Variants in ZAN observed in about 807,000 individuals in gnomAD.
ZAN encodes the protein zonadhesin.
In ZAN, 260 loss-of-function variants were observed where a neutral mutation model predicts 286.2. That is an observed-to-expected ratio of 0.91 (90% confidence interval 0.82 to 1.01). The LOEUF is 1.01. Among genes scored for constraint, ZAN ranks in the 50% least tolerant of loss-of-function variants. ZAN has a pLI of 0.00. For missense variants in ZAN, 3,410 were observed against 3,639.2 expected (o/e 0.94, Z 1.62); for synonymous variants, 1,368 against 1,417.5 (o/e 0.97, Z 0.79).
chr7:100,781,347 T>C (rs1255865285), intron 35 of ZAN, among the ~76,000 whole-genome samples: 1 of 152,158 alleles, frequency 6.6e-6, no homozygotes, highest in African/African-American at 2.4e-5. Context: ...ATTACAGACG[T>C]GAGACATCTC....
At chr7:100,782,459 G>A (rs314306) in intron 35 of ZAN, among the ~76,000 whole-genome samples, 58,322 of 151,786 alleles carry the variant, frequency 0.38, 13,388 homozygotes, top group Middle Eastern at 0.66. Context: ...CTTCCGAGTA[G>A]CTGGGATTAC....
chr7:100,791,136 G>A (rs1283724995), intron 40 of ZAN, 23 bp downstream of exon 40: 1 of 1,600,706 alleles, frequency 6.2e-7, no homozygotes, highest in Non-Finnish European at 8.5e-7. Context: ...GAAGGGATGA[G>A]GCGGGGGAGG....
At chr7:100,756,661 C>T (rs1031257121) in intron 15 of ZAN, among the ~76,000 whole-genome samples, 2 of 151,874 alleles carry the variant, frequency 1.3e-5, no homozygotes, top group African/African-American at 4.8e-5. Context: ...CACCAAGAAG[C>T]TCTTCCCTCT....
chr7:100,782,888 C>T (rs1168013145), intron 35 of ZAN, among the ~76,000 whole-genome samples: 1 of 152,178 alleles, frequency 6.6e-6, no homozygotes, highest in Non-Finnish European at 1.5e-5. Context: ...ATATTTGGAT[C>T]CATATCTGAG....
At chr7:100,797,296 G>C (rs1223444322) in intron 45 of ZAN, 70 bp from the exon 46 acceptor site, 1 of 1,461,520 alleles carries the variant, frequency 6.8e-7, no homozygotes, top group Non-Finnish European at 9.5e-7. Context: ...ATCCCCAAAA[G>C]GGAGTACCCC....
In ZAN at chr7:100,794,256, C is replaced by T. The variant is rs751098463; in HGVS notation, c.8123C>T (p.Pro2708Leu). ...TLGNHTQGCF[P>L]ESPCLQNPCQ... The stretch of plus-strand genomic sequence containing the variant: ...GGGAACCACACCCAAGGCTGCTTTC[C>T]AGGTGAACCTGCACTCCTGCCCGGT... Residue 2708 changes from proline (P) to leucine (L), a missense_variant and splice_region_variant, in exon 44 of 48, where the codon CCA (proline) becomes CTA (leucine). Coordinates refer to ENST00000613979, the MANE Select transcript of ZAN (RefSeq NM_003386.3). 1 of 1,599,264 alleles carries T rather than the reference C, an allele frequency of 6.3e-7. No homozygotes were observed. The highest frequency in any genetic ancestry group is 1.7e-5 in the Admixed American group (1 of 58,958).
chr7:100,764,917 A>C (rs1809848325), intron 22 of ZAN, among the ~76,000 whole-genome samples: 1 of 151,524 alleles, frequency 6.6e-6, no homozygotes, highest in Admixed American at 6.6e-5. Context: ...CCAAGTCATC[A>C]CACGCAGGCA....
rs749562086 is a variant in ZAN at position 100,735,683 on chromosome 7, CG to C, written c.54-36del. The C allele has an allele frequency of 8.5e-6, 12 of 1,418,214 alleles. 3 individuals carry two copies. In the African/African-American group the frequency reaches 1.6e-4, roughly 19 times the overall value. 87.9% of individuals were successfully genotyped at this position (1,418,214 alleles called of 1,614,324 possible). ...AATCTTATAATTCTTGATAATGACACGAGTTGCATTTTTGCTTTCTTCAAAC... is the reference window on the plus strand; with the variant it reads ...AATCTTATAATTCTTGATAATGACACAGTTGCATTTTTGCTTTCTTCAAAC... On this transcript the variant is annotated intron_variant, in intron 2 of 47. Coordinates refer to ENST00000613979, the MANE Select transcript of ZAN (RefSeq NM_003386.3).
chr7:100,777,841 C>T lies in ZAN; in HGVS notation c.6317+1277C>T, dbSNP rs1810923554. 2.0e-5 allele frequency among the ~76,000 whole-genome samples: 3 copies of T among 152,218 alleles called. No individual in the cohort carries two copies. The South Asian group carries it at 6.2e-4, about 32-fold the overall frequency. On this transcript the variant is annotated intron_variant, in intron 34 of 47. Coordinates refer to ENST00000613979, the MANE Select transcript of ZAN (RefSeq NM_003386.3). ...TCCTGGGCTCAAATGATCCTCCCGC[C>T]TCGGCCCCCCAAAGTGCTGGGATTA... is the stretch of plus-strand genomic sequence containing the variant.
chr7:100,790,690 T>G (rs1811880632), intron 39 of ZAN, among the ~76,000 whole-genome samples: 1 of 151,642 alleles, frequency 6.6e-6, no homozygotes, highest in Non-Finnish European at 1.5e-5. Flanking sequence ...CTAGACCAGT[T>G]TGGCCAACAT....
At chr7:100,778,791 G>A (rs1223592200) in intron 34 of ZAN, among the ~76,000 whole-genome samples, 1 of 152,186 alleles carries the variant, frequency 6.6e-6, no homozygotes, top group Non-Finnish European at 1.5e-5. Context: ...TCAGCACTTC[G>A]CGAGGCCGAG....
At chr7:100,757,552 C>T (rs1447412039) in intron 15 of ZAN, among the ~76,000 whole-genome samples, 2 of 151,130 alleles carry the variant, frequency 1.3e-5, no homozygotes, top group Admixed American at 6.6e-5. Context: ...GTCAGGAGTT[C>T]GAGACCAGCC....
chr7:100,774,919 T>TG (rs1810646176), intron 31 of ZAN, among the ~76,000 whole-genome samples: 3 of 32,434 alleles, frequency 9.2e-5, no homozygotes, highest in Non-Finnish European at 2.0e-4. Context: ...GCCCTGGGGT[T>TG]TTTTGTTTGT....
intron 23 of ZAN, 97 bp downstream of exon 23, chr7:100,765,651 T>G: frequency 7.2e-7 from 1 of 1,391,388 alleles, no homozygotes; most frequent in Non-Finnish European, 9.6e-7. Context: ...TTTCGTTTCT[T>G]GTTTTGTTTT....
rs1183222569 is a variant in ZAN, at chr7:100,767,973, T to C, written c.5003T>C (p.Val1668Ala). ...GGGAGCCACTTGGTGGAAGTGACAG[T>C]CCCCTCCTCCTATGGCGGCCAGCTC... is the stretch of plus-strand genomic sequence containing the variant. ...YDGSHLVEVT[V>A]PSSYGGQLCG... The change falls in exon 26 of 48, where the codon GTC becomes GCC. Residue 1668 changes from valine (V) to alanine (A), a missense_variant. Val to Ala is a moderately conservative substitution (Grantham distance 64). Transcript: ENST00000613979. 1.2e-6 allele frequency: 2 copies of C among 1,613,698 alleles called. No homozygotes were observed. The highest frequency in any genetic ancestry group is 1.7e-6 in the Non-Finnish European group (2 of 1,179,824).
In ZAN at chr7:100,734,234, C is replaced by T; in HGVS notation, c.53+13C>T. 7.0e-7 allele frequency: 1 copy of T among 1,428,994 alleles called. No homozygotes were observed. The highest frequency in any genetic ancestry group is 1.3e-5 in the South Asian group (1 of 79,950). The allele number at this position is 1,428,994 out of a possible 1,614,324, so 88.5% of individuals were successfully genotyped here. On this transcript the variant is annotated intron_variant, in intron 2 of 47. Coordinates refer to ENST00000613979, the MANE Select transcript of ZAN (RefSeq NM_003386.3). ...CTGCCCTTTTCAGGTAAGCTGGGCC[C>T]AGGGGGTAATGATAAACCAGGGTCA...
At chr7:100,792,182 C>T in intron 41 of ZAN, 34 bp downstream of exon 41, 2 of 1,562,844 alleles carry the variant, frequency 1.3e-6, no homozygotes, top group Admixed American at 1.9e-5. Context: ...TGGGAATGGC[C>T]CAGGTGCCTG....
chr7:100,774,639 C>T (rs892153502), intron 31 of ZAN, among the ~76,000 whole-genome samples: 1 of 151,958 alleles, frequency 6.6e-6, no homozygotes, highest in South Asian at 2.1e-4. Flanking sequence ...GCCTGGGTAA[C>T]AGAACAAGAC....
chr7:100,733,960 C>T, intron 1 of ZAN, 67 bp from the exon 2 acceptor site: 1 of 398,910 alleles, frequency 2.5e-6, no homozygotes. Flanking sequence ...GTTTATTTCC[C>T]TCGATTTCAA....
Sources: gnomAD v4.1 joint callset for allele counts (sites outside exome capture counted in the v4.1 genomes callset) on GRCh38, gnomAD v4.1.1 for gene constraint, MANE v1.5 for transcripts, NCBI Gene and HGNC (gene_info 2026-07-23, HGNC 2026-07-21) for gene names.